Variants in ZNF713 observed in about 807,000 individuals in gnomAD.
ZNF713 encodes the protein zinc finger protein 713.
ZNF713 carries 21 observed loss-of-function variants against 28.7 expected under a neutral mutation model. The ratio of observed to expected loss-of-function variants is 0.73; its 90% CI spans 0.52 to 1.05. The LOEUF (loss-of-function observed/expected upper bound fraction) is 1.05. Ranked by LOEUF, ZNF713 falls within the 50% of genes least tolerant of loss-of-function variation. The pLI, the probability that ZNF713 is intolerant of heterozygous loss-of-function variation, is 0.00. For missense variants in ZNF713, 458 were observed against 532.4 expected (o/e 0.86, Z 1.37); for synonymous variants, 167 against 178.0 (o/e 0.94, Z 0.49).
At chr7:55,928,800 G>A (rs999286757) in intron 6 of ZNF713, among the ~76,000 whole-genome samples, 2 of 152,062 alleles carry the variant, frequency 1.3e-5, no homozygotes, top group African/African-American at 4.8e-5. Context: ...ATGCCAAGAT[G>A]GCAATGTCCC....
intron 1 of ZNF713, among the ~76,000 whole-genome samples, chr7:55,895,583 C>T (rs1785459441): frequency 6.6e-6 from 1 of 150,866 alleles, no homozygotes; most frequent in Admixed American, 6.7e-5. Context: ...ATTCTCCTGC[C>T]TCAGCCTCCC....
rs140224024 is a variant in ZNF713, at chr7:55,907,049, A to G, written c.-456+670A>G. On this transcript the variant is annotated intron_variant, in intron 2 of 6. Transcript: ENST00000429591. ...GTTATAACGTTTTCTGGAGCAAGGA[A>G]GGCCTCTCCACTTTTTTCTCTTTTA... Among the ~76,000 whole-genome samples the G allele has an allele frequency of 9.4e-4, 143 of 152,230 alleles. 1 individual carries two copies. In the Middle Eastern group the frequency reaches 0.01, roughly 11 times the overall value.
At chr7:55,893,342 TG>T (rs1785422416) in intron 1 of ZNF713, among the ~76,000 whole-genome samples, 1 of 152,074 alleles carries the variant, frequency 6.6e-6, no homozygotes, top group Non-Finnish European at 1.5e-5. Flanking sequence ...ATAGATTGAA[TG>T]GGGAAATGCA....
At chr7:55,901,499 T>C (rs982292633) in intron 1 of ZNF713, among the ~76,000 whole-genome samples, 9 of 152,214 alleles carry the variant, frequency 5.9e-5, no homozygotes, top group African/African-American at 2.2e-4. Flanking sequence ...TAAATATATA[T>C]AATTATTTGT....
intron 6 of ZNF713, among the ~76,000 whole-genome samples, chr7:55,933,420 C>A (rs575518603): frequency 6.6e-6 from 1 of 151,480 alleles, no homozygotes; most frequent in Non-Finnish European, 1.5e-5. Flanking sequence ...CTCAGCCTCC[C>A]GAGTAGCTGG....
chr7:55,899,437 G>A (rs1358720400), intron 1 of ZNF713, among the ~76,000 whole-genome samples: 9 of 118,220 alleles, frequency 7.6e-5, no homozygotes, highest in Non-Finnish European at 1.3e-4. Flanking sequence ...GGCCGAGGGG[G>A]GGGGGGGGGT....
At chr7:55,894,333 A>G (rs1212013465) in intron 1 of ZNF713, among the ~76,000 whole-genome samples, 1 of 152,188 alleles carries the variant, frequency 6.6e-6, no homozygotes, top group Admixed American at 6.5e-5. Context: ...CCTTTACTTT[A>G]TACTACCTTC....
At chr7:55,936,840 G>T (rs1786358853) in intron 6 of ZNF713, among the ~76,000 whole-genome samples, 1 of 152,094 alleles carries the variant, frequency 6.6e-6, no homozygotes, top group African/African-American at 2.4e-5. Flanking sequence ...AAGGGGTGAG[G>T]GGGAGGTGTC....
chr7:55,893,174 C>T (rs968177024), intron 1 of ZNF713, among the ~76,000 whole-genome samples: 11 of 152,106 alleles, frequency 7.2e-5, no homozygotes, highest in Admixed American at 1.3e-4. Flanking sequence ...TGAGCTACCG[C>T]GCCCGGACTA....
Position 55,939,111 on chromosome 7 carries a change from T to C in ZNF713, c.437T>C (p.Leu146Pro). 1 of 1,614,124 alleles carries C rather than the reference T, an allele frequency of 6.2e-7. No homozygotes were observed. Among genetic ancestry groups the C allele is most frequent in the Non-Finnish European group, 8.5e-7 (1 of 1,180,006 alleles). Reference protein sequence around the residue: ...DSFWYSILGGLWDFDYHPEFN... With the variant: ...DSFWYSILGGPWDFDYHPEFN... Reference sequence around the variant, plus strand: ...TTCTGGTACTCCATCCTAGGAGGACTCTGGGATTTTGATTACCATCCAGAG... The same window carrying C: ...TTCTGGTACTCCATCCTAGGAGGACCCTGGGATTTTGATTACCATCCAGAG... The change falls in exon 7 of 7, where the codon CTC (leucine) becomes CCC (proline). Residue 146 changes from leucine to proline, a missense_variant. Leu to Pro is a moderately conservative substitution (Grantham distance 98). Coordinates refer to ENST00000429591, the MANE Select transcript of ZNF713 (RefSeq NM_182633.3).
At chr7:55,893,270 A>G (rs1274579580) in intron 1 of ZNF713, among the ~76,000 whole-genome samples, 2 of 152,208 alleles carry the variant, frequency 1.3e-5, no homozygotes, top group African/African-American at 4.8e-5. Flanking sequence ...CATACAGTTT[A>G]TGCTTAGGAA....
At position 55,913,391 on chromosome 7, in the gene ZNF713, T is replaced by C. The variant is rs748733817; in HGVS notation, c.87+668T>C. Among the ~76,000 whole-genome samples, 6 of 151,520 alleles carry C rather than the reference T, an allele frequency of 4.0e-5. No individual in the cohort carries two copies. In the East Asian group the frequency reaches 5.8e-4, roughly 15 times the overall value. On this transcript the variant is annotated intron_variant, in intron 4 of 6. Transcript: ENST00000429591. Reference sequence around the variant, plus strand: ...CAATTTTTTGTATTTTTAGTAGAGATGAGCTTTCACTGAGTTAGCCAGGAT... The same window carrying C: ...CAATTTTTTGTATTTTTAGTAGAGACGAGCTTTCACTGAGTTAGCCAGGAT...
At chr7:55,925,974 C>T (rs998416427) in intron 6 of ZNF713, among the ~76,000 whole-genome samples, 2 of 152,140 alleles carry the variant, frequency 1.3e-5, no homozygotes, top group Admixed American at 6.6e-5. Flanking sequence ...TATTGTGTCC[C>T]TCTACACAGA....
In ZNF713 at chr7:55,912,617, T is replaced by A; in HGVS notation, c.-2-18T>A. On this transcript the variant is annotated intron_variant, in intron 3 of 6. Coordinates refer to ENST00000429591, the MANE Select transcript of ZNF713 (RefSeq NM_182633.3). The stretch of plus-strand genomic sequence containing the variant: ...ACCTTCGTGTCATATATTAACAAGA[T>A]GCTTCTCTTTTTCCTAGTTATGCCT... 6.4e-7 allele frequency: 1 copy of A among 1,567,904 alleles called. No individual in the cohort carries two copies. The highest frequency in any genetic ancestry group is 1.1e-5 in the South Asian group (1 of 87,582).
At chr7:55,889,172 G>A (rs544597991) in intron 1 of ZNF713, among the ~76,000 whole-genome samples, 3 of 148,254 alleles carry the variant, frequency 2.0e-5, no homozygotes, top group African/African-American at 5.0e-5. Context: ...TGTGATCTCC[G>A]CTCACCGCAA....
intron 4 of ZNF713, among the ~76,000 whole-genome samples, chr7:55,920,872 G>A (rs1198957079): frequency 6.6e-6 from 1 of 152,022 alleles, no homozygotes; most frequent in Non-Finnish European, 1.5e-5. Flanking sequence ...CCTCCTGCCT[G>A]TGCCTCCCAA....
chr7:55,896,263 G>T (rs1785469944), intron 1 of ZNF713, among the ~76,000 whole-genome samples: 1 of 152,146 alleles, frequency 6.6e-6, no homozygotes, highest in Non-Finnish European at 1.5e-5. Flanking sequence ...ATTGAAAGAG[G>T]TGAGGAAGAA....
chr7:55,887,883 C>A lies in ZNF713; in HGVS notation c.-583+203C>A, dbSNP rs868332450. On this transcript the variant is annotated intron_variant, in intron 1 of 6. Coordinates refer to ENST00000429591, the MANE Select transcript of ZNF713 (RefSeq NM_182633.3). ...CGGCGGGCGGCGGCGGCGGCGGCGGCGGCGGGCGGCGGCGGCGGCGGGAGG... is the reference window on the plus strand; with the variant it reads ...CGGCGGGCGGCGGCGGCGGCGGCGGAGGCGGGCGGCGGCGGCGGCGGGAGG... Among the ~76,000 whole-genome samples the A allele has an allele frequency of 9.2e-3, 780 of 84,570 alleles. 208 individuals are homozygous for A. The highest frequency in any genetic ancestry group is 0.034 in the Middle Eastern group (5 of 146). 55.5% of individuals were successfully genotyped at this position (84,570 alleles called of 152,430 possible). A position where few individuals can be genotyped will look rare whatever the true frequency, so the allele number is the denominator to read the frequency against.
chr7:55,892,601 G>A (rs1252034653), intron 1 of ZNF713, among the ~76,000 whole-genome samples: 3 of 148,412 alleles, frequency 2.0e-5, no homozygotes, highest in Non-Finnish European at 3.0e-5. Context: ...GGCTGGGCGC[G>A]GTGGCTCACG....
Sources: allele counts gnomAD v4.1 joint callset (sites outside exome capture counted in the v4.1 genomes callset), GRCh38; gene constraint gnomAD v4.1.1; transcripts MANE v1.5; gene names NCBI Gene and HGNC (gene_info 2026-07-23, HGNC 2026-07-21).